The following RYR2 variants were observed in gnomAD, a reference collection of about 807,000 sequenced individuals.
RYR2 encodes ryanodine receptor 2.
Under a neutral mutation model 601.1 loss-of-function variants are expected in RYR2, and 227 were observed. The observed-to-expected ratio is 0.38, with a 90% CI of 0.34 to 0.42. The LOEUF (loss-of-function observed/expected upper bound fraction) is 0.42, where lower values mean the gene tolerates loss of function less well. Among genes scored for constraint, RYR2 ranks in the 10% least tolerant of loss-of-function variants. The pLI, the probability that RYR2 is intolerant of heterozygous loss-of-function variation, is 1.00. For synonymous variants in RYR2, 2,223 were observed against 2,175.1 expected, an observed-to-expected ratio of 1.02 and a Z score of -0.61; for missense variants, 4,646 against 6,156.5, an observed-to-expected ratio of 0.75 and a Z score of 8.21.
At chr1:237,621,632 C>T (rs930049344) in intron 38 of RYR2, among the ~76,000 whole-genome samples, 10 of 152,070 alleles carry the variant, frequency 6.6e-5, no homozygotes, top group Admixed American at 2.6e-4. Context: ...TTTGAAATAA[C>T]GATAAGTAGA....
At chr1:237,374,290 G>A (rs2149780490) in intron 6 of RYR2, among the ~76,000 whole-genome samples, 1 of 152,126 alleles carries the variant, frequency 6.6e-6, no homozygotes, top group African/African-American at 2.4e-5. Flanking sequence ...GGGAAGTGGA[G>A]GTGGGAGATT....
At chr1:237,232,070 C>T (rs115049389) in intron 1 of RYR2, among the ~76,000 whole-genome samples, 1 of 152,180 alleles carries the variant, frequency 6.6e-6, no homozygotes, top group African/African-American at 2.4e-5. Context: ...AGGAGTGATA[C>T]TGTAAAATAC....
intron 29 of RYR2, among the ~76,000 whole-genome samples, chr1:237,570,881 C>T (rs1441320204): frequency 6.6e-6 from 1 of 152,144 alleles, no homozygotes; most frequent in Non-Finnish European, 1.5e-5. Flanking sequence ...GTAATCCCAG[C>T]ACTTTGGGAA....
chr1:237,456,648 A>G lies in RYR2; in HGVS notation c.1525A>G (p.Ser509Gly). 6.2e-7 allele frequency: 1 copy of G among 1,612,834 alleles called. No homozygotes were observed. The highest frequency in any genetic ancestry group is 2.2e-5 in the East Asian group (1 of 44,842). Residue 509 changes from serine (S) to glycine (G), a missense_variant, in exon 16 of 105, where the codon AGC becomes GGC. Around this residue, in one of 17 missense-constraint regions of RYR2, gnomAD observed 1,807 missense variants for 2,088.1 expected, o/e 0.87. Coordinates refer to ENST00000366574, the MANE Select transcript of RYR2 (RefSeq NM_001035.3). ...LECIDRLHVY[S>G]SAAHFADVAG... is the part of the protein sequence containing the mutation. ...GTGCATAGACCGTTTGCACGTCTAC[A>G]GCAGTGCAGCACACTTTGCTGATGT...
At position 237,082,195 on chromosome 1, in the gene RYR2, T is replaced by C. The variant is rs75074804; in HGVS notation, c.48+39626T>C. Among the ~76,000 whole-genome samples the C allele has an allele frequency of 2.3e-4, 35 of 152,250 alleles. No individual in the cohort carries two copies. In the East Asian group the frequency reaches 6.6e-3, roughly 29 times the overall value. ...GCAGCGTTCATGTTATATTAACTTATTGACTCTTCACAGGATCATGTGAGG... is the reference window on the plus strand; with the variant it reads ...GCAGCGTTCATGTTATATTAACTTACTGACTCTTCACAGGATCATGTGAGG... On this transcript the variant is annotated intron_variant, in intron 1 of 104. Transcript: ENST00000366574.
chr1:237,694,197 G>A (rs1483344540), intron 63 of RYR2, among the ~76,000 whole-genome samples: 6 of 151,830 alleles, frequency 4.0e-5, no homozygotes, highest in African/African-American at 1.5e-4. Flanking sequence ...GGGAGGCTGA[G>A]GCAGGAGAAT....
intron 29 of RYR2, among the ~76,000 whole-genome samples, chr1:237,586,945 G>C (rs2618710): frequency 0.95 from 144,234 of 151,734 alleles, 68,978 homozygotes; most frequent in East Asian, 1. Flanking sequence ...TCTTGAACTT[G>C]TGGCCTCAAG....
chr1:237,644,653 T>C (rs1396227793), intron 48 of RYR2, among the ~76,000 whole-genome samples: 1 of 152,216 alleles, frequency 6.6e-6, no homozygotes, highest in Non-Finnish European at 1.5e-5. Flanking sequence ...TTATCAAATG[T>C]AAGGTGTTTT....
At position 237,792,102 on chromosome 1, in the gene RYR2, C is replaced by T. The variant is rs2149380968; in HGVS notation, c.13564-3C>T. 6.3e-7 allele frequency: 1 copy of T among 1,583,330 alleles called. No individual in the cohort carries two copies. The highest frequency in any genetic ancestry group is 8.6e-7 in the Non-Finnish European group (1 of 1,163,306). On this transcript the variant is annotated splice_polypyrimidine_tract_variant and splice_region_variant and intron_variant, in intron 93 of 104. Transcript: ENST00000366574. ...TGACTCTACTTTAAATGCTTTGAAT[C>T]AGGTCTCCACTTCTTCTGTGGTTGA...
At chr1:237,210,343 T>C (rs139108462) in intron 1 of RYR2, among the ~76,000 whole-genome samples, 1 of 152,328 alleles carries the variant, frequency 6.6e-6, no homozygotes, top group East Asian at 1.9e-4. Context: ...TTTTACCCCA[T>C]GTATCCATTT....
intron 25 of RYR2, among the ~76,000 whole-genome samples, chr1:237,544,687 G>C (rs771069538): frequency 6.6e-6 from 1 of 152,062 alleles, no homozygotes; most frequent in Non-Finnish European, 1.5e-5. Context: ...TATTAATAAG[G>C]TGAAATGAAC....
chr1:237,595,484 C>T lies in RYR2; in HGVS notation c.4437-14C>T. ...GTGGTTGTACAAAGATAAAAATGTTCTTTTGAAATTCAGCATCAAACGCAG... is the reference window on the plus strand; with the variant it reads ...GTGGTTGTACAAAGATAAAAATGTTTTTTTGAAATTCAGCATCAAACGCAG... On this transcript the variant is annotated splice_polypyrimidine_tract_variant and intron_variant, in intron 33 of 104. Coordinates refer to ENST00000366574, the MANE Select transcript of RYR2 (RefSeq NM_001035.3). 6.2e-7 allele frequency: 1 copy of T among 1,600,866 alleles called. No homozygotes were observed. Among genetic ancestry groups the T allele is most frequent in the Non-Finnish European group, 8.5e-7 (1 of 1,175,648 alleles).
At chr1:237,072,684 C>T (rs1184972615) in intron 1 of RYR2, among the ~76,000 whole-genome samples, 2 of 151,938 alleles carry the variant, frequency 1.3e-5, no homozygotes, top group Non-Finnish European at 2.9e-5. Flanking sequence ...TAAAAATACT[C>T]GCCTGTAATC....
intron 1 of RYR2, among the ~76,000 whole-genome samples, chr1:237,159,566 C>T (rs975556641): frequency 2.0e-5 from 3 of 152,072 alleles, no homozygotes; most frequent in African/African-American, 7.2e-5. Flanking sequence ...ATTACGGGCT[C>T]ATGCCTGTAA....
At chr1:237,756,815 C>CA (rs1334120771) in intron 81 of RYR2, among the ~76,000 whole-genome samples, 1 of 152,152 alleles carries the variant, frequency 6.6e-6, no homozygotes, top group African/African-American at 2.4e-5. Flanking sequence ...GGCTGTGTTC[C>CA]AAAAAAACTT....
At chr1:237,299,242 CT>C (rs1693116666) in intron 2 of RYR2, among the ~76,000 whole-genome samples, 2 of 150,854 alleles carry the variant, frequency 1.3e-5, no homozygotes, top group Admixed American at 1.3e-4. Flanking sequence ...TTTCCCTCTT[CT>C]TTATTCTCAT....
intron 62 of RYR2, among the ~76,000 whole-genome samples, 180 bp downstream of exon 62, chr1:237,680,757 A>G (rs373022525): frequency 1.3e-5 from 2 of 152,208 alleles, no homozygotes; most frequent in South Asian, 2.1e-4. Context: ...TATGTGTTCT[A>G]GATGTTGAGT....
chr1:237,428,270 T>C (rs979986869), intron 12 of RYR2, among the ~76,000 whole-genome samples: 11 of 152,188 alleles, frequency 7.2e-5, no homozygotes, highest in Non-Finnish European at 1.3e-4. Context: ...CAAAGGAATA[T>C]AAATCAGTCT....
Position 237,569,169 on chromosome 1 carries a change from G to T in RYR2, c.3448G>T (p.Glu1150Ter). Residue 1150 changes from glutamate (E) to a stop codon, truncating the protein, a stop_gained, in exon 29 of 105, where the codon GAA becomes TAA. Transcript: ENST00000366574. LOFTEE classifies it high-confidence loss of function. ...GGCCCAGCGGTGGCATCAGGGCAAT[G>T]AACACTATGGGCGCTCTTGGCAAGC... is the stretch of plus-strand genomic sequence containing the variant. Reference protein sequence around the residue: ...FKAQRWHQGNEHYGRSWQAGD... With the variant: ...FKAQRWHQGN 1 of 1,613,810 alleles carries T rather than the reference G, an allele frequency of 6.2e-7. No homozygotes were observed. Among genetic ancestry groups the T allele is most frequent in the South Asian group, 1.1e-5 (1 of 91,058 alleles).
Sources: gnomAD v4.1 joint callset for allele counts (sites outside exome capture counted in the v4.1 genomes callset) on GRCh38, gnomAD v4.1.1 for gene constraint, gnomAD v4.1.1 regional missense constraint, MANE v1.5 for transcripts, NCBI Gene and HGNC (gene_info 2026-07-23, HGNC 2026-07-21) for gene names.